Variants in FGD5 observed in about 807,000 individuals in gnomAD.
FGD5 encodes FYVE, RhoGEF and PH domain containing 5.
FGD5 carries 28 observed loss-of-function variants against 133.4 expected under a neutral mutation model. That is an observed-to-expected ratio of 0.21 (90% CI 0.16 to 0.29). The LOEUF (loss-of-function observed/expected upper bound fraction) is 0.29. Among genes scored for constraint, FGD5 ranks in the 10% least tolerant of loss-of-function variants. The probability of loss-of-function intolerance (pLI) is 1.00; values close to 1 mark genes in which losing one functional copy is unlikely to be tolerated. For missense variants in FGD5, 1,858 were observed against 1,895.2 expected (o/e 0.98, Z 0.36); for synonymous variants, 810 against 776.5 (o/e 1.04, Z -0.72).
At chr3:14,921,827 G>C in intron 13 of FGD5, 91 bp from the exon 14 acceptor site, 1 of 1,207,828 alleles carries the variant, frequency 8.3e-7, no homozygotes, top group Non-Finnish European at 1.2e-6. Flanking sequence ...CAGGCTCAAG[G>C]GGCATCTGAG....
Position 14,933,156 on chromosome 3 carries a change from A to T in FGD5, c.4378A>T (p.Ser1460Cys), listed in dbSNP as rs1559511799. The change falls in exon 20 of 20, where the codon AGT (serine) becomes TGT (cysteine). Residue 1460 changes from serine (S) to cysteine (C), a missense_variant. This residue lies in a region of FGD5 where 1,824 missense variants were observed against 1,848.9 expected (regional missense o/e 0.99). Coordinates refer to ENST00000285046, the MANE Select transcript of FGD5 (RefSeq NM_152536.4). ...GTGGATCGAGGCCATGGAAGATGCG[A>T]GTGTGTTATAGCAGTTATCAAGCAT... ...QRWIEAMEDA[S>C]VL is the part of the protein sequence containing the mutation. 1.2e-6 allele frequency: 2 copies of T among 1,613,658 alleles called. No individual in the cohort carries two copies. Among genetic ancestry groups the T allele is most frequent in the Admixed American group, 3.3e-5 (2 of 59,996 alleles).
upstream of FGD5, chr3:14,810,746 G>A: frequency 1.1e-6 from 1 of 944,540 alleles, no homozygotes; most frequent in Non-Finnish European, 1.3e-6. Context: ...GCGCCAGGGG[G>A]TGCGGGCCCC....
intron 6 of FGD5, 101 bp from the exon 7 acceptor site, chr3:14,898,637 CG>C: frequency 1.1e-6 from 1 of 919,764 alleles, no homozygotes; most frequent in Admixed American, 2.3e-5. Context: ...TCAGCTGGCC[CG>C]GGAAGAGGTG....
chr3:14,832,232 TCTG>T (rs1450103617), intron 1 of FGD5, among the ~76,000 whole-genome samples: 1 of 152,200 alleles, frequency 6.6e-6, no homozygotes, highest in African/African-American at 2.4e-5. Context: ...CCTTGTACTT[TCTG>T]CTGGGAGCTG....
chr3:14,818,211 G>A (rs1020238616), upstream of FGD5, among the ~76,000 whole-genome samples: 11 of 152,134 alleles, frequency 7.2e-5, no homozygotes, highest in Non-Finnish European at 1.6e-4. Context: ...ATGTTGGCAC[G>A]TACTATATAA....
chr3:14,879,293 G>A (rs548597445), intron 2 of FGD5, among the ~76,000 whole-genome samples: 1 of 152,314 alleles, frequency 6.6e-6, no homozygotes, highest in African/African-American at 2.4e-5. Context: ...CACATTCACA[G>A]CCTCCCCCGT....
intron 16 of FGD5, 101 bp from the exon 17 acceptor site, chr3:14,923,907 T>TG: frequency 1.4e-6 from 2 of 1,432,170 alleles, no homozygotes; most frequent in Non-Finnish European, 1.9e-6. Context: ...TTAACCCCCA[T>TG]GGCTCACATT....
intron 1 of FGD5, among the ~76,000 whole-genome samples, chr3:14,847,961 TG>T (rs1171850792): frequency 1.3e-5 from 2 of 152,188 alleles, no homozygotes; most frequent in African/African-American, 4.8e-5. Flanking sequence ...AGCCTTTCTC[TG>T]GGTCCCTGGG....
upstream of FGD5, among the ~76,000 whole-genome samples, chr3:14,815,782 G>T (rs2036359207): frequency 1.3e-5 from 2 of 152,160 alleles, no homozygotes; most frequent in South Asian, 4.1e-4. Flanking sequence ...GAAACACTCT[G>T]TGGCAAAAAG....
chr3:14,887,188 G>A (rs1278166400), intron 4 of FGD5, among the ~76,000 whole-genome samples: 1 of 152,118 alleles, frequency 6.6e-6, no homozygotes, highest in African/African-American at 2.4e-5. Context: ...GTGTTTTGGG[G>A]CTCTTTTTAG....
At chr3:14,873,808 G>A (rs1343747966) in intron 2 of FGD5, among the ~76,000 whole-genome samples, 5 of 150,070 alleles carry the variant, frequency 3.3e-5, no homozygotes, top group South Asian at 2.1e-4. Context: ...TGCAACCTCC[G>A]CCTCCCGGGT....
At chr3:14,865,624 T>C (rs1037220121) in intron 2 of FGD5, among the ~76,000 whole-genome samples, 1 of 152,146 alleles carries the variant, frequency 6.6e-6, no homozygotes, top group African/African-American at 2.4e-5. Flanking sequence ...CCTGAGGTTG[T>C]CCATGTTTGT....
intron 1 of FGD5, among the ~76,000 whole-genome samples, chr3:14,860,766 G>A (rs4685220): frequency 0.57 from 86,547 of 151,796 alleles, 25,107 homozygotes; most frequent in African/African-American, 0.64. Context: ...TTGAACCCAG[G>A]AGTTAGAGTC....
chr3:14,862,990 G>T (rs2037430104), intron 1 of FGD5, among the ~76,000 whole-genome samples: 1 of 152,150 alleles, frequency 6.6e-6, no homozygotes, highest in Non-Finnish European at 1.5e-5. Flanking sequence ...TAGGCTCCTA[G>T]CTCAGCTATT....
At chr3:14,883,717 G>A (rs1355387191) in intron 4 of FGD5, among the ~76,000 whole-genome samples, 1 of 152,232 alleles carries the variant, frequency 6.6e-6, no homozygotes, top group East Asian at 1.9e-4. Flanking sequence ...CCTTTTGCAG[G>A]GAGAGAGGGT....
chr3:14,890,461 AG>A (rs1395577449), intron 4 of FGD5, among the ~76,000 whole-genome samples: 3 of 152,182 alleles, frequency 2.0e-5, no homozygotes, highest in African/African-American at 4.8e-5. Context: ...GAATGAATAA[AG>A]GAATGAGGAC....
At chr3:14,845,255 G>T (rs2125089255) in intron 1 of FGD5, among the ~76,000 whole-genome samples, 2 of 152,330 alleles carry the variant, frequency 1.3e-5, no homozygotes, top group South Asian at 4.1e-4. Flanking sequence ...GTTTCATCCA[G>T]CTGCATTCTG....
intron 13 of FGD5, 74 bp from the exon 14 acceptor site, chr3:14,921,844 C>A (rs1011410124): frequency 3.5e-6 from 5 of 1,416,874 alleles, no homozygotes; most frequent in South Asian, 1.2e-5. Flanking sequence ...TGAGTGAGAA[C>A]CTCATCCATG....
At chr3:14,835,818 G>T (rs2036806418) in intron 1 of FGD5, among the ~76,000 whole-genome samples, 1 of 152,204 alleles carries the variant, frequency 6.6e-6, no homozygotes, top group South Asian at 2.1e-4. Flanking sequence ...GTGTGCAGTG[G>T]CTAAGAACCC....
Sources: allele counts gnomAD v4.1 joint callset (sites outside exome capture counted in the v4.1 genomes callset), GRCh38; gene constraint gnomAD v4.1.1; regional missense constraint gnomAD v4.1.1; transcripts MANE v1.5; gene names NCBI Gene and HGNC (gene_info 2026-07-23, HGNC 2026-07-21).